Variants in STXBP5L observed in about 807,000 individuals in gnomAD.
The protein encoded by STXBP5L is syntaxin binding protein 5L, also known as syntaxin-binding protein 5-like.
In STXBP5L, 65 loss-of-function variants were observed where a neutral mutation model predicts 144.5. The observed-to-expected ratio is 0.45, with a 90% CI of 0.37 to 0.55. The LOEUF is 0.55. STXBP5L is among the 20% of genes least tolerant of loss of function. The probability of loss-of-function intolerance (pLI) is 0.00; values close to 1 mark genes in which losing one functional copy is unlikely to be tolerated. For synonymous variants in STXBP5L, 505 were observed against 469.6 expected (o/e 1.08, Z -0.97); for missense variants, 1,298 against 1,405.5 (o/e 0.92, Z 1.22).
At chr3:120,946,549 A>G (rs1178569682) in intron 2 of STXBP5L, among the ~76,000 whole-genome samples, 1 of 151,680 alleles carries the variant, frequency 6.6e-6, no homozygotes, top group Non-Finnish European at 1.5e-5. Flanking sequence ...CTGAACTAAA[A>G]CTTCTATTAG....
At chr3:121,100,007 A>G (rs1009948000) in intron 5 of STXBP5L, among the ~76,000 whole-genome samples, 1 of 152,208 alleles carries the variant, frequency 6.6e-6, no homozygotes, top group African/African-American at 2.4e-5. Flanking sequence ...ATAAAGAAGG[A>G]CATTACATAA....
At chr3:121,210,778 C>T (rs1315412655) in intron 10 of STXBP5L, among the ~76,000 whole-genome samples, 2 of 151,876 alleles carry the variant, frequency 1.3e-5, no homozygotes, top group East Asian at 3.9e-4. Context: ...CTGTTCTGTT[C>T]CATTAGTCTA....
At chr3:120,960,407 G>C (rs1405440987) in intron 3 of STXBP5L, among the ~76,000 whole-genome samples, 3 of 152,132 alleles carry the variant, frequency 2.0e-5, no homozygotes, top group Non-Finnish European at 4.4e-5. Flanking sequence ...TCCCATTACG[G>C]GGTATATACC....
intron 3 of STXBP5L, among the ~76,000 whole-genome samples, chr3:120,976,026 T>C (rs1001082477): frequency 3.3e-5 from 5 of 152,080 alleles, no homozygotes; most frequent in Admixed American, 6.6e-5. Context: ...TGTGTCTCTG[T>C]CAGGCTTTGG....
At chr3:120,952,762 C>T (rs2107693914) in intron 2 of STXBP5L, among the ~76,000 whole-genome samples, 1 of 152,122 alleles carries the variant, frequency 6.6e-6, no homozygotes, top group Middle Eastern at 3.4e-3. Flanking sequence ...TATCAATAAA[C>T]AATATCCTTG....
chr3:120,996,607 T>C (rs1195442146), intron 3 of STXBP5L, among the ~76,000 whole-genome samples: 3 of 152,148 alleles, frequency 2.0e-5, no homozygotes, highest in Non-Finnish European at 4.4e-5. Context: ...AACTAATATC[T>C]CCCCATTTTC....
chr3:120,910,732 G>A (rs894328406), intron 2 of STXBP5L, among the ~76,000 whole-genome samples: 3 of 152,016 alleles, frequency 2.0e-5, no homozygotes, highest in Admixed American at 2.0e-4. Flanking sequence ...GTAAACAAGT[G>A]ATATATGTAT....
intron 20 of STXBP5L, among the ~76,000 whole-genome samples, chr3:121,328,887 G>C (rs936122088): frequency 5.3e-5 from 8 of 151,988 alleles, no homozygotes; most frequent in African/African-American, 1.7e-4. Context: ...GGGCACTACT[G>C]TTCCTTGTAA....
chr3:121,062,538 A>G (rs1038614810), intron 5 of STXBP5L, among the ~76,000 whole-genome samples: 2 of 152,192 alleles, frequency 1.3e-5, no homozygotes, highest in Non-Finnish European at 2.9e-5. Context: ...CTGAATTTGA[A>G]TGTTGGCCTG....
At chr3:121,181,761 A>C (rs911340206) in intron 9 of STXBP5L, among the ~76,000 whole-genome samples, 2 of 151,748 alleles carry the variant, frequency 1.3e-5, no homozygotes, top group Admixed American at 1.3e-4. Flanking sequence ...AACAAACAAA[A>C]ACAAACAAAC....
At chr3:121,047,220 T>G (rs1023867424) in intron 5 of STXBP5L, among the ~76,000 whole-genome samples, 5 of 152,090 alleles carry the variant, frequency 3.3e-5, no homozygotes, top group Admixed American at 6.6e-5. Flanking sequence ...GAGAGTGTGG[T>G]TGGTATGGTT....
chr3:121,084,906 T>G (rs1356810692), intron 5 of STXBP5L, among the ~76,000 whole-genome samples: 1 of 152,210 alleles, frequency 6.6e-6, no homozygotes, highest in African/African-American at 2.4e-5. Flanking sequence ...TGGTCATCAT[T>G]CTGACTGGCA....
intron 19 of STXBP5L, among the ~76,000 whole-genome samples, chr3:121,303,984 A>T (rs1283794873): frequency 3.9e-5 from 6 of 152,064 alleles, no homozygotes; most frequent in African/African-American, 1.4e-4. Flanking sequence ...CATATGTAAC[A>T]AACCTGCACA....
chr3:121,413,413 G>C (rs1336449280), intron 24 of STXBP5L, 90 bp downstream of exon 24: 9 of 1,208,238 alleles, frequency 7.4e-6, no homozygotes, highest in Non-Finnish European at 1.0e-5. Flanking sequence ...TATTAGGTCA[G>C]ACAATAATTA....
At chr3:120,909,220 A>AT (rs1288081054) in intron 1 of STXBP5L, 1 of 212,110 alleles carries the variant, frequency 4.7e-6, no homozygotes, top group Non-Finnish European at 9.3e-6. Context: ...TGATTGTATA[A>AT]TAATGATGAT....
At chr3:121,069,652 G>C (rs1198556532) in intron 5 of STXBP5L, among the ~76,000 whole-genome samples, 1 of 151,314 alleles carries the variant, frequency 6.6e-6, no homozygotes, top group Non-Finnish European at 1.5e-5. Context: ...CTAGAATTTT[G>C]TGACATCTAG....
chr3:121,027,386 G>A (rs1254045355), intron 3 of STXBP5L, among the ~76,000 whole-genome samples: 1 of 152,150 alleles, frequency 6.6e-6, no homozygotes, highest in African/African-American at 2.4e-5. Context: ...ATCCATGTAG[G>A]GTAAGTCCTT....
chr3:121,093,504 G>T (rs1023416549), intron 5 of STXBP5L, among the ~76,000 whole-genome samples: 6 of 151,998 alleles, frequency 3.9e-5, no homozygotes, highest in African/African-American at 1.4e-4. Flanking sequence ...GTCTTGGGAG[G>T]GTATATGTGT....
intron 22 of STXBP5L, among the ~76,000 whole-genome samples, chr3:121,401,514 T>A (rs1478101516): frequency 5.5e-5 from 8 of 146,586 alleles, no homozygotes; most frequent in East Asian, 2.0e-4. Context: ...ACAATGATAG[T>A]CTGGATTAAG....
Sources: gnomAD v4.1 joint callset for allele counts (sites outside exome capture counted in the v4.1 genomes callset) on GRCh38, gnomAD v4.1.1 for gene constraint, MANE v1.5 for transcripts, NCBI Gene and HGNC (gene_info 2026-07-23, HGNC 2026-07-21) for gene names.